The following CTNNA2 variants were observed in gnomAD, a reference collection of about 807,000 sequenced individuals.
The protein encoded by CTNNA2 is catenin alpha-2.
In CTNNA2, 42 loss-of-function variants were observed where a neutral mutation model predicts 101.0. That is an observed-to-expected ratio of 0.42 (90% CI 0.32 to 0.54). The LOEUF is 0.54. CTNNA2 is among the 20% of genes least tolerant of loss of function. CTNNA2 has a pLI of 0.14. For synonymous variants in CTNNA2, 450 were observed against 456.4 expected (o/e 0.99, Z 0.18); for missense variants, 871 against 1,223.1 (o/e 0.71, Z 4.29).
chr2:79,480,188 T>C (rs1435984640), intron 4 of CTNNA2, among the ~76,000 whole-genome samples: 1 of 152,006 alleles, frequency 6.6e-6, no homozygotes. Flanking sequence ...TGAGAACTGA[T>C]GGAGCAAGAA....
At chr2:80,527,696 C>T (rs1242191519) in intron 9 of CTNNA2, among the ~76,000 whole-genome samples, 1 of 152,128 alleles carries the variant, frequency 6.6e-6, no homozygotes, top group Admixed American at 6.6e-5. Flanking sequence ...TCTGAGGCCT[C>T]TCCCTGGTTG....
At chr2:79,967,827 TCAA>T (rs1384033890) in intron 7 of CTNNA2, among the ~76,000 whole-genome samples, 1 of 152,140 alleles carries the variant, frequency 6.6e-6, no homozygotes, top group Non-Finnish European at 1.5e-5. Context: ...CAAATGGCTA[TCAA>T]CAGATGATTG....
chr2:79,923,602 T>A (rs1686821813), intron 7 of CTNNA2, among the ~76,000 whole-genome samples: 1 of 152,162 alleles, frequency 6.6e-6, no homozygotes, highest in Non-Finnish European at 1.5e-5. Context: ...AGGTATAAAA[T>A]CTCTTTTGGC....
At position 80,265,166 on chromosome 2, in the gene CTNNA2, G is replaced by T. The variant is rs182671480; in HGVS notation, c.1057-128045G>T. Among the ~76,000 whole-genome samples, 1,179 of 152,032 alleles carry T rather than the reference G, an allele frequency of 7.8e-3. 9 individuals are homozygous for T. Among genetic ancestry groups the T allele is most frequent in the South Asian group, 0.024 (114 of 4,816 alleles). On this transcript the variant is annotated intron_variant, in intron 7 of 18. Transcript: ENST00000402739. The stretch of plus-strand genomic sequence containing the variant: ...ATTTTTGTATTTTTGGTAGAGACAG[G>T]GTTTCACCATGTTGGCCAGACTGGT...
chr2:79,483,084 G>A (rs1346154952), intron 4 of CTNNA2, among the ~76,000 whole-genome samples: 1 of 152,208 alleles, frequency 6.6e-6, no homozygotes, highest in African/African-American at 2.4e-5. Context: ...TCCCATGTGT[G>A]CTATGTCTCT....
chr2:79,745,618 A>G (rs1441992631), intron 3 of CTNNA2, among the ~76,000 whole-genome samples: 2 of 152,002 alleles, frequency 1.3e-5, no homozygotes, highest in African/African-American at 4.8e-5. Flanking sequence ...GGCAATCACC[A>G]TTCTACTTTC....
At chr2:80,271,488 C>G (rs1673476557) in intron 7 of CTNNA2, among the ~76,000 whole-genome samples, 1 of 150,302 alleles carries the variant, frequency 6.7e-6, no homozygotes, top group South Asian at 2.1e-4. Context: ...GTGGCGCGAT[C>G]TCGGCTCACT....
chr2:79,601,511 A>G (rs947836818), intron 1 of CTNNA2, among the ~76,000 whole-genome samples: 1 of 152,214 alleles, frequency 6.6e-6, no homozygotes, highest in Admixed American at 6.5e-5. Context: ...CCTGAGAGAG[A>G]GAGTCCACCA....
At chr2:80,126,388 C>T (rs1196702548) in intron 7 of CTNNA2, among the ~76,000 whole-genome samples, 2 of 151,948 alleles carry the variant, frequency 1.3e-5, no homozygotes, top group Non-Finnish European at 2.9e-5. Flanking sequence ...GGGGAATCCT[C>T]AAGGGGAGAT....
intron 7 of CTNNA2, among the ~76,000 whole-genome samples, chr2:80,224,343 G>A (rs1346268446): frequency 1.3e-5 from 2 of 152,122 alleles, no homozygotes; most frequent in East Asian, 1.9e-4. Flanking sequence ...TCTTAGAGTC[G>A]GGAATGACAT....
intron 9 of CTNNA2, among the ~76,000 whole-genome samples, chr2:80,503,176 A>G (rs1897772): frequency 0.43 from 66,093 of 151,986 alleles, 15,261 homozygotes; most frequent in East Asian, 0.93. Context: ...TGTCTCAAAA[A>G]AAAAACCATA....
chr2:79,823,169 C>A (rs13423110), intron 3 of CTNNA2, among the ~76,000 whole-genome samples: 11,110 of 152,240 alleles, frequency 0.073, 1,258 homozygotes, highest in African/African-American at 0.24. Flanking sequence ...TTTCTGGCTT[C>A]TCTGCCTGTC....
chr2:79,588,055 G>T lies in CTNNA2; in HGVS notation c.-5-63497G>T, dbSNP rs569756497. Among the ~76,000 whole-genome samples the T allele has an allele frequency of 5.9e-5, 9 of 152,224 alleles. No individual in the cohort carries two copies. In the South Asian group the frequency reaches 6.2e-4, roughly 11 times the overall value. On this transcript the variant is annotated intron_variant, in intron 1 of 18. Transcript: ENST00000402739. ...ATAGTAGGCTTAGAGACTTGCCAGA[G>T]AACTTTTTTCAGAAAGAAGGGCAGG...
intron 16 of CTNNA2, among the ~76,000 whole-genome samples, chr2:80,606,606 T>C (rs180831569): frequency 2.7e-4 from 41 of 152,074 alleles, no homozygotes; most frequent in African/African-American, 9.2e-4. Context: ...ATTCTGCACC[T>C]ATTTCCATGA....
intron 9 of CTNNA2, among the ~76,000 whole-genome samples, chr2:80,431,149 T>A (rs928049217): frequency 2.0e-5 from 3 of 152,144 alleles, no homozygotes; most frequent in Non-Finnish European, 4.4e-5. Context: ...TGGAGAGGGA[T>A]TGTGTATTGG....
At chr2:79,657,967 T>C (rs1681735263) in intron 2 of CTNNA2, among the ~76,000 whole-genome samples, 1 of 151,886 alleles carries the variant, frequency 6.6e-6, no homozygotes, top group African/African-American at 2.4e-5. Context: ...TGGGATATAA[T>C]TTTTATATCA....
chr2:79,295,102 T>C (rs1396778794), intron 2 of CTNNA2, among the ~76,000 whole-genome samples: 2 of 152,144 alleles, frequency 1.3e-5, no homozygotes, highest in Non-Finnish European at 2.9e-5. Context: ...TTCACTGTGC[T>C]TTATTTTTTG....
intron 7 of CTNNA2, among the ~76,000 whole-genome samples, chr2:80,199,978 C>T (rs1293281378): frequency 6.6e-6 from 1 of 152,136 alleles, no homozygotes; most frequent in Non-Finnish European, 1.5e-5. Context: ...CTCCTAGGCA[C>T]CTATGTTTCT....
intron 1 of CTNNA2, among the ~76,000 whole-genome samples, chr2:79,587,245 A>G (rs1676554582): frequency 6.6e-6 from 1 of 152,094 alleles, no homozygotes; most frequent in South Asian, 2.1e-4. Flanking sequence ...GAATCTTCAC[A>G]CTGTTTTTCA....
Sources: allele counts gnomAD v4.1 joint callset (sites outside exome capture counted in the v4.1 genomes callset), GRCh38; gene constraint gnomAD v4.1.1; transcripts MANE v1.5; gene names NCBI Gene and HGNC (gene_info 2026-07-23, HGNC 2026-07-21).